The following GRIK1 variants were observed in gnomAD, a reference collection of about 807,000 sequenced individuals.
GRIK1 encodes glutamate receptor ionotropic, kainate 1.
GRIK1 carries 69 observed loss-of-function variants against 105.7 expected under a neutral mutation model. The observed-to-expected ratio is 0.65, with a 90% CI of 0.54 to 0.80. GRIK1 has a LOEUF of 0.80. Ranked by LOEUF, GRIK1 falls within the 30% of genes least tolerant of loss-of-function variation. GRIK1 has a pLI of 0.00. For missense variants in GRIK1, 1,109 were observed against 1,167.3 expected (o/e 0.95, Z 0.73); for synonymous variants, 438 against 431.3 (o/e 1.02, Z -0.19).
chr21:29,804,273 C>T (rs980316089), intron 1 of GRIK1, among the ~76,000 whole-genome samples: 2 of 152,092 alleles, frequency 1.3e-5, no homozygotes, highest in East Asian at 1.9e-4. Flanking sequence ...GCCAAATTTT[C>T]ATCAGAGAAA....
At chr21:29,648,137 G>C (rs2146546006) in intron 6 of GRIK1, among the ~76,000 whole-genome samples, 1 of 152,236 alleles carries the variant, frequency 6.6e-6, no homozygotes, top group African/African-American at 2.4e-5. Flanking sequence ...AATTGAATGG[G>C]AAATCAAAAC....
At chr21:29,679,665 T>A (rs943773722) in intron 3 of GRIK1, among the ~76,000 whole-genome samples, 1 of 152,216 alleles carries the variant, frequency 6.6e-6, no homozygotes, top group African/African-American at 2.4e-5. Flanking sequence ...GACAACTCCA[T>A]CCTTTGGCTC....
chr21:29,661,583 C>T (rs1394195620), intron 4 of GRIK1, among the ~76,000 whole-genome samples: 2 of 152,112 alleles, frequency 1.3e-5, no homozygotes, highest in Non-Finnish European at 2.9e-5. Flanking sequence ...CAGAAGTTTC[C>T]AAAAGGAAAG....
intron 13 of GRIK1, among the ~76,000 whole-genome samples, chr21:29,578,586 T>A (rs980770757): frequency 1.3e-5 from 2 of 152,224 alleles, no homozygotes; most frequent in African/African-American, 4.8e-5. Flanking sequence ...TCCCTTTTAA[T>A]GAGGGAAATG....
rs2067530962 is a variant in GRIK1, at chr21:29,828,300, AC to A, written c.118+111082del. Among the ~76,000 whole-genome samples the A allele has an allele frequency of 7.2e-5, 11 of 152,074 alleles. No homozygotes were observed. In the South Asian group the frequency reaches 2.3e-3, roughly 32 times the overall value. Reference sequence around the variant, plus strand: ...TCACTTACATAACAGACTGCCACAAACCCTAAATCATTTATACCGAAAAACC... The same window carrying A: ...TCACTTACATAACAGACTGCCACAAACCTAAATCATTTATACCGAAAAACC... On this transcript the variant is annotated intron_variant, in intron 1 of 17. Transcript: ENST00000327783.
intron 1 of GRIK1, among the ~76,000 whole-genome samples, chr21:29,825,301 G>A (rs1214547614): frequency 6.6e-6 from 1 of 152,014 alleles, no homozygotes; most frequent in Non-Finnish European, 1.5e-5. Flanking sequence ...TAAAACAATA[G>A]TGCATTATGA....
At position 29,537,008 on chromosome 21, in the gene GRIK1, T is replaced by C. The variant is rs1209117074; in HGVS notation, c.*222A>G. On this transcript the variant is annotated 3_prime_UTR_variant, in exon 18 of 18. Coordinates refer to ENST00000327783, the MANE Select transcript of GRIK1 (RefSeq NM_001330994.2). ...CAATTTATTGGGGAAAAAGAAAAAA[T>C]GCAAAATAATTGAGCATACAAATTT... is the stretch of plus-strand genomic sequence containing the variant. The C allele has an allele frequency of 9.6e-6, 3 of 313,316 alleles. No homozygotes were observed. The highest frequency in any genetic ancestry group is 1.7e-5 in the Non-Finnish European group (3 of 172,394). The allele number at this position is 313,316 out of a possible 1,614,324, so 19.4% of individuals were successfully genotyped here.
At chr21:29,776,106 C>T (rs964424481) in intron 1 of GRIK1, among the ~76,000 whole-genome samples, 1 of 152,192 alleles carries the variant, frequency 6.6e-6, no homozygotes, top group Non-Finnish European at 1.5e-5. Flanking sequence ...ATTGTGAGAA[C>T]TCTCTCACTG....
intron 1 of GRIK1, among the ~76,000 whole-genome samples, chr21:29,917,871 C>G (rs465615): frequency 0.23 from 35,411 of 151,728 alleles, 4,892 homozygotes; most frequent in African/African-American, 0.39. Flanking sequence ...TGTCTTCCTT[C>G]TCAAACCATT....
intron 9 of GRIK1, among the ~76,000 whole-genome samples, chr21:29,595,765 A>G (rs2061401320): frequency 6.6e-6 from 1 of 152,134 alleles, no homozygotes; most frequent in Non-Finnish European, 1.5e-5. Flanking sequence ...GAGAGAAGAG[A>G]TGAAAGAAAA....
At chr21:29,572,146 A>G (rs1185642491) in intron 14 of GRIK1, among the ~76,000 whole-genome samples, 4 of 152,136 alleles carry the variant, frequency 2.6e-5, no homozygotes, top group Non-Finnish European at 5.9e-5. Flanking sequence ...TTAGGGCGGA[A>G]CTACCCCGAG....
At position 29,802,414 on chromosome 21, in the gene GRIK1, GTC is replaced by G. The variant is rs1297331593; in HGVS notation, c.119-108353_119-108352del. On this transcript the variant is annotated intron_variant, in intron 1 of 17. Transcript: ENST00000327783. ...TCTTTCAGTCTCTCTCTCTTTCTCT[GTC>G]TCTCTCTCTGCCTCTTCCCACCTCC... Among the ~76,000 whole-genome samples, 7 of 151,620 alleles carry G rather than the reference GTC, an allele frequency of 4.6e-5. No homozygotes were observed. In the South Asian group the frequency reaches 1.0e-3, roughly 23 times the overall value.
At chr21:29,714,871 A>G (rs967451443) in intron 1 of GRIK1, among the ~76,000 whole-genome samples, 2 of 152,244 alleles carry the variant, frequency 1.3e-5, no homozygotes, top group South Asian at 2.1e-4. Flanking sequence ...GAGGGCAATC[A>G]GAGTTATGAT....
chr21:29,828,826 C>G (rs2067547971), intron 1 of GRIK1, among the ~76,000 whole-genome samples: 1 of 152,112 alleles, frequency 6.6e-6, no homozygotes, highest in East Asian at 1.9e-4. Flanking sequence ...CTTATACCAC[C>G]TATTGATAGG....
chr21:29,801,570 C>T (rs535186029), intron 1 of GRIK1, among the ~76,000 whole-genome samples: 6 of 151,970 alleles, frequency 3.9e-5, no homozygotes, highest in Non-Finnish European at 5.9e-5. Context: ...AATTATTTTA[C>T]GGAAATTAGT....
intron 1 of GRIK1, among the ~76,000 whole-genome samples, chr21:29,837,755 T>C (rs915351284): frequency 6.6e-6 from 1 of 152,144 alleles, no homozygotes; most frequent in Non-Finnish European, 1.5e-5. Flanking sequence ...ATTTAGAATA[T>C]AAAAAACTTA....
rs746842761 is a variant in GRIK1 at position 29,900,459 on chromosome 21, C to CAAAAAAAAAAAA, written c.118+38923_118+38924insTTTTTTTTTTTT. On this transcript the variant is annotated intron_variant, in intron 1 of 17. Coordinates refer to ENST00000327783, the MANE Select transcript of GRIK1 (RefSeq NM_001330994.2). The stretch of plus-strand genomic sequence containing the variant: ...GAAGATCTACCAAACAAATGGAAAG[C>CAAAAAAAAAAAA]AAGAAAAAAAAAAAAAAAAAGCAAG... 4.7e-3 allele frequency among the ~76,000 whole-genome samples: 364 copies of CAAAAAAAAAAAA among 78,072 alleles called. 18 individuals carry two copies. Among genetic ancestry groups the CAAAAAAAAAAAA allele is most frequent in the Middle Eastern group, 8.3e-3 (1 of 120 alleles). 51.2% of individuals were successfully genotyped at this position (78,072 alleles called of 152,430 possible). A position where few individuals can be genotyped will look rare whatever the true frequency, so the allele number is the denominator to read the frequency against.
chr21:29,651,462 T>C (rs961771958), intron 5 of GRIK1, among the ~76,000 whole-genome samples, 171 bp from the exon 6 acceptor site: 2 of 152,206 alleles, frequency 1.3e-5, no homozygotes, highest in Admixed American at 6.5e-5. Flanking sequence ...ACATGTTAAA[T>C]GGAAAACTTC....
chr21:29,916,356 C>A (rs1163555666), intron 1 of GRIK1, among the ~76,000 whole-genome samples: 2 of 151,668 alleles, frequency 1.3e-5, no homozygotes, highest in Non-Finnish European at 2.9e-5. Context: ...TATTACAACT[C>A]AAAGTGGGAG....
Sources: gnomAD v4.1 joint callset for allele counts (sites outside exome capture counted in the v4.1 genomes callset) on GRCh38, gnomAD v4.1.1 for gene constraint, MANE v1.5 for transcripts, NCBI Gene and HGNC (gene_info 2026-07-23, HGNC 2026-07-21) for gene names.